The following EHBP1 variants were observed in gnomAD, a reference collection of about 807,000 sequenced individuals.
EHBP1 encodes EH domain-binding protein 1.
EHBP1 carries 55 observed loss-of-function variants against 144.0 expected under a neutral mutation model. The ratio of observed to expected loss-of-function variants is 0.38; its 90% CI spans 0.31 to 0.48. The LOEUF is 0.48. EHBP1 is among the 20% of genes least tolerant of loss of function. The pLI is 0.98. For missense variants in EHBP1, 1,200 were observed against 1,364.2 expected (o/e 0.88, Z 1.90); for synonymous variants, 469 against 472.7 (o/e 0.99, Z 0.10).
chr2:62,733,636 C>T (rs1324216501), intron 2 of EHBP1, among the ~76,000 whole-genome samples: 1 of 152,126 alleles, frequency 6.6e-6, no homozygotes, highest in Non-Finnish European at 1.5e-5. Flanking sequence ...AATAGTTTCT[C>T]TTGAGGGTAG....
At position 62,948,408 on chromosome 2, in the gene EHBP1, A is replaced by G; in HGVS notation, c.1562A>G (p.Gln521Arg). The change falls in exon 13 of 23, where the codon CAG (glutamine) becomes CGG (arginine). Residue 521 changes from glutamine (Q) to arginine (R), a missense_variant. Gln to Arg is a conservative substitution (Grantham distance 43). Around this residue, in one of 6 missense-constraint regions of EHBP1, gnomAD observed 94 missense variants for 143.0 expected, o/e 0.66. Coordinates refer to ENST00000431489, the MANE Select transcript of EHBP1 (RefSeq NM_001142616.3). ...AGTGGCCAAGAACTAAATGTCGTTC[A>G]GATAGAGGAAAACAGCAGTAAAAGC... ...HFSGQELNVVQIEENSSKSTY... is the reference protein window; with the variant it reads ...HFSGQELNVVRIEENSSKSTY... 3.1e-6 allele frequency: 5 copies of G among 1,614,074 alleles called. No individual in the cohort carries two copies. Among genetic ancestry groups the G allele is most frequent in the South Asian group, 1.1e-5 (1 of 91,064 alleles).
chr2:62,946,965 C>T (rs1017077020), intron 12 of EHBP1, among the ~76,000 whole-genome samples: 22 of 152,152 alleles, frequency 1.4e-4, no homozygotes, highest in African/African-American at 5.3e-4. Context: ...CTGATCTTAA[C>T]CAATATGTCA....
At chr2:62,728,658 A>T (rs1161888976) in intron 2 of EHBP1, among the ~76,000 whole-genome samples, 3 of 150,156 alleles carry the variant, frequency 2.0e-5, no homozygotes, top group Admixed American at 2.0e-4. Flanking sequence ...CAGGTATGTG[A>T]TTTGCAAATA....
At chr2:62,827,586 T>C (rs1219044285) in intron 6 of EHBP1, among the ~76,000 whole-genome samples, 5 of 152,162 alleles carry the variant, frequency 3.3e-5, no homozygotes, top group Admixed American at 2.0e-4. Flanking sequence ...ACCTCCTCCT[T>C]CTTTGCCTGG....
chr2:62,762,875 C>T (rs2040872542), intron 3 of EHBP1, among the ~76,000 whole-genome samples: 1 of 152,150 alleles, frequency 6.6e-6, no homozygotes, highest in Non-Finnish European at 1.5e-5. Flanking sequence ...TTGAAACCCT[C>T]CAGTGGCTTC....
chr2:62,739,350 T>A (rs1345412587), intron 2 of EHBP1, among the ~76,000 whole-genome samples: 1 of 151,850 alleles, frequency 6.6e-6, no homozygotes, highest in Non-Finnish European at 1.5e-5. Flanking sequence ...ATTGTGAATA[T>A]GATTGTTTGG....
chr2:62,853,410 A>T (rs1302671938), intron 7 of EHBP1, among the ~76,000 whole-genome samples: 1 of 152,216 alleles, frequency 6.6e-6, no homozygotes, highest in African/African-American at 2.4e-5. Flanking sequence ...AGATTGCAGC[A>T]ATTCAGTGAT....
At chr2:62,703,400 A>C (rs932276658), upstream of EHBP1, among the ~76,000 whole-genome samples, 1 of 152,178 alleles carries the variant, frequency 6.6e-6, no homozygotes, top group African/African-American at 2.4e-5. Flanking sequence ...GCAGGCCAAA[A>C]GAGCTGAACA....
intron 10 of EHBP1, among the ~76,000 whole-genome samples, chr2:62,876,786 A>G (rs1158751210): frequency 6.6e-6 from 1 of 152,196 alleles, no homozygotes; most frequent in Non-Finnish European, 1.5e-5. Context: ...ACTCAGTATC[A>G]TAAGAACAGC....
chr2:62,758,737 C>T (rs910845528), intron 3 of EHBP1, among the ~76,000 whole-genome samples: 1 of 152,026 alleles, frequency 6.6e-6, no homozygotes, highest in African/African-American at 2.4e-5. Flanking sequence ...TTTTTCATGG[C>T]ATTACCACCT....
intron 3 of EHBP1, among the ~76,000 whole-genome samples, chr2:62,756,664 G>C (rs2040310582): frequency 6.6e-6 from 1 of 151,732 alleles, no homozygotes; most frequent in Non-Finnish European, 1.5e-5. Flanking sequence ...AGCTACGCGG[G>C]CGCTGAGGCA....
At chr2:62,892,207 C>T (rs1024260108) in intron 10 of EHBP1, among the ~76,000 whole-genome samples, 51 of 152,204 alleles carry the variant, frequency 3.4e-4, no homozygotes, top group Admixed American at 3.1e-3. Flanking sequence ...ATTTTTCCAC[C>T]ACCACCACGT....
intron 6 of EHBP1, 26 bp downstream of exon 6, chr2:62,826,294 T>G (rs1011406138): frequency 6.4e-7 from 1 of 1,566,164 alleles, no homozygotes; most frequent in Non-Finnish European, 8.6e-7. Flanking sequence ...CAAATAAGCT[T>G]CCTTACATTG....
intron 10 of EHBP1, among the ~76,000 whole-genome samples, chr2:62,897,617 A>T (rs1017815346): frequency 4.6e-5 from 7 of 152,054 alleles, no homozygotes; most frequent in African/African-American, 1.7e-4. Flanking sequence ...CTTTTTCCTG[A>T]GCTCTGCCTA....
At chr2:62,965,347 G>A (rs967332390) in intron 14 of EHBP1, among the ~76,000 whole-genome samples, 2 of 152,090 alleles carry the variant, frequency 1.3e-5, no homozygotes, top group Admixed American at 6.6e-5. Context: ...AAATATGCAC[G>A]ACTATTTTAG....
chr2:62,780,084 A>T (rs1018830464), intron 5 of EHBP1, among the ~76,000 whole-genome samples: 1 of 151,430 alleles, frequency 6.6e-6, no homozygotes, highest in African/African-American at 2.4e-5. Context: ...CCAGCAAATA[A>T]TTTTTTTTTA....
intron 7 of EHBP1, among the ~76,000 whole-genome samples, chr2:62,847,009 A>G (rs1227715883): frequency 6.6e-6 from 1 of 152,232 alleles, no homozygotes; most frequent in Non-Finnish European, 1.5e-5. Flanking sequence ...TTGGGGATGC[A>G]AAGTAACCAA....
intron 19 of EHBP1, among the ~76,000 whole-genome samples, chr2:63,027,194 T>C (rs1390039330): frequency 6.6e-6 from 1 of 152,240 alleles, no homozygotes; most frequent in Non-Finnish European, 1.5e-5. Flanking sequence ...TTGATGCTAT[T>C]ATTATCATCA....
At position 62,927,352 on chromosome 2, in the gene EHBP1, G is replaced by T. The variant is rs541126150; in HGVS notation, c.1186-15366G>T. On this transcript the variant is annotated intron_variant, in intron 10 of 22. Coordinates refer to ENST00000431489, the MANE Select transcript of EHBP1 (RefSeq NM_001142616.3). ...TACTTAAAGCTATATATTATTAGGA[G>T]GATATTGAATGTTCCCAGCACAAAG... Among the ~76,000 whole-genome samples the T allele has an allele frequency of 9.9e-5, 15 of 152,082 alleles. No homozygotes were observed. In the South Asian group the frequency reaches 1.5e-3, roughly 15 times the overall value.
Sources: allele counts gnomAD v4.1 joint callset (sites outside exome capture counted in the v4.1 genomes callset), GRCh38; gene constraint gnomAD v4.1.1; regional missense constraint gnomAD v4.1.1; transcripts MANE v1.5; gene names NCBI Gene and HGNC (gene_info 2026-07-23, HGNC 2026-07-21).